Variants in SELP observed in about 807,000 individuals in gnomAD.
SELP encodes P-selectin.
A neutral mutation model predicts 104.1 loss-of-function variants in SELP; 92 were observed. That is an observed-to-expected ratio of 0.88 (90% CI 0.75 to 1.05). The LOEUF (loss-of-function observed/expected upper bound fraction) is 1.05. SELP is among the 50% of genes least tolerant of loss of function. The pLI, the probability that SELP is intolerant of heterozygous loss-of-function variation, is 0.00. For missense variants in SELP, 1,022 were observed against 1,017.3 expected (o/e 1.00, Z -0.06); for synonymous variants, 397 against 364.5 (o/e 1.09, Z -1.01).
intron 3 of SELP, among the ~76,000 whole-genome samples, chr1:169,614,341 A>T (rs1010127588): frequency 6.6e-6 from 1 of 152,250 alleles, no homozygotes; most frequent in Non-Finnish European, 1.5e-5. Flanking sequence ...CATGAGTCTG[A>T]ATACAGCAGG....
intron 7 of SELP, among the ~76,000 whole-genome samples, chr1:169,610,475 T>C (rs1662464961): frequency 6.6e-6 from 1 of 152,190 alleles, no homozygotes; most frequent in Non-Finnish European, 1.5e-5. Flanking sequence ...CTTTGACCTC[T>C]GGTTTTTACA....
Position 169,597,095 on chromosome 1 carries a change from G to C in SELP, c.1787C>G (p.Ser596Cys). 1 of 1,613,328 alleles carries C rather than the reference G, an allele frequency of 6.2e-7. No individual in the cohort carries two copies. Among genetic ancestry groups the C allele is most frequent in the Non-Finnish European group, 8.5e-7 (1 of 1,179,620 alleles). The part of the protein sequence containing the change: ...SDTRGEFNVG[S>C]TCHFSCDNGF... ...GTTGTCACAAGAGAAATGGCAGGTGGAGCCAACATTGAATTCTCCACGAGT... is the reference window on the plus strand; with the variant it reads ...GTTGTCACAAGAGAAATGGCAGGTGCAGCCAACATTGAATTCTCCACGAGT... Residue 596 changes from serine to cysteine, a missense_variant, in exon 11 of 17, where the codon TCC becomes TGC. Transcript: ENST00000263686.
intron 10 of SELP, among the ~76,000 whole-genome samples, chr1:169,602,015 T>A (rs1406349647): frequency 6.6e-6 from 1 of 152,124 alleles, no homozygotes; most frequent in African/African-American, 2.4e-5. Flanking sequence ...TTTTAGAACA[T>A]AAAATATACT....
At chr1:169,603,977 G>A (rs998593742) in intron 9 of SELP, among the ~76,000 whole-genome samples, 1 of 152,186 alleles carries the variant, frequency 6.6e-6, no homozygotes, top group Non-Finnish European at 1.5e-5. Context: ...GTCATGGGAT[G>A]GCTAGGTCAA....
intron 15 of SELP, 75 bp downstream of exon 15, chr1:169,591,351 C>A: frequency 1.0e-6 from 1 of 965,838 alleles, no homozygotes; most frequent in African/African-American, 1.7e-5. Context: ...TGCATGTAAT[C>A]ATTCTGACAT....
chr1:169,610,775 T>C (rs1358012529), intron 7 of SELP, among the ~76,000 whole-genome samples: 1 of 150,982 alleles, frequency 6.6e-6, no homozygotes, highest in African/African-American at 2.5e-5. Context: ...TGAGACTCTG[T>C]CTCAAAACAA....
intron 15 of SELP, 123 bp from the exon 16 acceptor site, chr1:169,590,325 G>A: frequency 2.8e-6 from 2 of 714,562 alleles, no homozygotes; most frequent in Non-Finnish European, 2.4e-6. Flanking sequence ...GCTTTAGAAA[G>A]GAAAGAAAAA....
chr1:169,598,351 G>C (rs1217149102), intron 10 of SELP, among the ~76,000 whole-genome samples: 1 of 152,126 alleles, frequency 6.6e-6, no homozygotes, highest in African/African-American at 2.4e-5. Flanking sequence ...TAGATAGTTT[G>C]ATTTTTACAA....
At chr1:169,608,699 C>G (rs1006670479) in intron 8 of SELP, among the ~76,000 whole-genome samples, 1 of 152,070 alleles carries the variant, frequency 6.6e-6, no homozygotes, top group Non-Finnish European at 1.5e-5. Flanking sequence ...TCTTCAAGAC[C>G]TGCTTTCAAA....
intron 1 of SELP, among the ~76,000 whole-genome samples, chr1:169,621,426 GGTTGTGTGTGTGT>G (rs1332187334): frequency 8.9e-6 from 1 of 111,868 alleles, no homozygotes; most frequent in African/African-American, 3.9e-5. Context: ...GACAGTGTGA[GGTTGTGTGTGTGT>G]GTGTGTGTGT....
chr1:169,610,525 A>G (rs1488552870), intron 7 of SELP, among the ~76,000 whole-genome samples: 1 of 152,156 alleles, frequency 6.6e-6, no homozygotes, highest in East Asian at 1.9e-4. Flanking sequence ...GGCTGAGCAC[A>G]ATGGCTCACA....
intron 13 of SELP, 77 bp downstream of exon 13, chr1:169,594,615 G>C: frequency 7.0e-7 from 1 of 1,438,256 alleles, no homozygotes. Context: ...ACCACTATGA[G>C]AAAGACACAG....
Position 169,611,588 on chromosome 1 carries a change from T to G in SELP, c.1051A>C (p.Lys351Gln). 2.5e-6 allele frequency: 4 copies of G among 1,614,076 alleles called. No homozygotes were observed. Among genetic ancestry groups the G allele is most frequent in the Non-Finnish European group, 3.4e-6 (4 of 1,179,990 alleles). The part of the protein sequence containing the change: ...LTAFAYGSSC[K>Q]FECQPGYRVR... The stretch of plus-strand genomic sequence containing the variant: ...CTGTAGCCGGGCTGGCACTCAAATT[T>G]ACAGCTGGAGCCATAGGCAAAAGCA... The change falls in exon 7 of 17, where the codon AAA becomes CAA. Residue 351 changes from lysine (K) to glutamine (Q), a missense_variant. Lys to Gln is a moderately conservative substitution (Grantham distance 53). Transcript: ENST00000263686.
At chr1:169,595,555 G>T (rs1464471757) in intron 12 of SELP, among the ~76,000 whole-genome samples, 1 of 152,106 alleles carries the variant, frequency 6.6e-6, no homozygotes, top group East Asian at 1.9e-4. Flanking sequence ...TTTTATTTAG[G>T]TTCAAATTAT....
intron 1 of SELP, among the ~76,000 whole-genome samples, chr1:169,622,634 A>G (rs950806551): frequency 3.9e-5 from 6 of 152,224 alleles, no homozygotes; most frequent in African/African-American, 1.4e-4. Context: ...TACTTTATTT[A>G]ATTGTGTACT....
intron 15 of SELP, among the ~76,000 whole-genome samples, chr1:169,590,464 C>T (rs1458798001): frequency 2.0e-5 from 3 of 152,234 alleles, no homozygotes; most frequent in African/African-American, 7.2e-5. Flanking sequence ...TAAGTTGCTG[C>T]AACCTCTTCT....
Position 169,617,142 on chromosome 1 carries a change from T to C in SELP, c.367A>G (p.Asn123Asp). 3 of 1,614,146 alleles carry C rather than the reference T, an allele frequency of 1.9e-6. No homozygotes were observed. The Middle Eastern group carries it at 5.0e-4, about 266-fold the overall frequency. Residue 123 changes from asparagine to aspartate, a missense_variant, in exon 3 of 17, where the codon AAC becomes GAC. Transcript: ENST00000263686. ...EAENWADNEP[N>D]NKRNNEDCVE... is the part of the protein sequence containing the mutation. Reference sequence around the variant, plus strand: ...CAGTCCTCGTTGTTCCTTTTGTTGTTAGGTTCATTATCAGCCCAGTTCTCA... The same window carrying C: ...CAGTCCTCGTTGTTCCTTTTGTTGTCAGGTTCATTATCAGCCCAGTTCTCA...
At chr1:169,605,377 G>A (rs112754127) in intron 9 of SELP, among the ~76,000 whole-genome samples, 1 of 152,064 alleles carries the variant, frequency 6.6e-6, no homozygotes, top group African/African-American at 2.4e-5. Context: ...GGTGCCTGGC[G>A]ATGAAGGACA....
In SELP at chr1:169,613,600, G is replaced by A. The variant is rs1265894979; in HGVS notation, c.575C>T (p.Pro192Leu). The A allele has an allele frequency of 6.2e-7, 1 of 1,613,282 alleles. No homozygotes were observed. Among genetic ancestry groups the A allele is most frequent in the Non-Finnish European group, 8.5e-7 (1 of 1,179,430 alleles). ...GGAAGCCTCACCGTATTCACATTCT[G>A]GCCCATAGAATCCAGGGTAACAGGA... ...TCSCYPGFYGPECEYVRECGE... is the reference protein window; with the variant it reads ...TCSCYPGFYGLECEYVRECGE... Residue 192 changes from proline (P) to leucine (L), a missense_variant, in exon 4 of 17, where the codon CCA becomes CTA. Physicochemically the swap from Pro to Leu is moderately conservative, Grantham distance 98. Transcript: ENST00000263686.
Sources: allele counts gnomAD v4.1 joint callset (sites outside exome capture counted in the v4.1 genomes callset), GRCh38; gene constraint gnomAD v4.1.1; transcripts MANE v1.5; gene names NCBI Gene and HGNC (gene_info 2026-07-23, HGNC 2026-07-21).